The following PLCB4 variants were observed in gnomAD, a reference collection of about 807,000 sequenced individuals.
The protein encoded by PLCB4 is phospholipase C beta 4, also known as 1-phosphatidylinositol 4,5-bisphosphate phosphodiesterase beta-4.
A neutral mutation model predicts 178.8 loss-of-function variants in PLCB4; 77 were observed. The ratio of observed to expected loss-of-function variants is 0.43; its 90% CI spans 0.36 to 0.52. The LOEUF (loss-of-function observed/expected upper bound fraction) is 0.52, where lower values mean the gene tolerates loss of function less well. Ranked by LOEUF, PLCB4 falls within the 20% of genes least tolerant of loss-of-function variation. The pLI is 0.00. For synonymous variants in PLCB4, 496 were observed against 490.8 expected (o/e 1.01, Z -0.14); for missense variants, 1,024 against 1,453.4 (o/e 0.70, Z 4.80).
intron 19 of PLCB4, among the ~76,000 whole-genome samples, chr20:9,401,080 G>A (rs564359590): frequency 6.6e-6 from 1 of 152,282 alleles, no homozygotes; most frequent in East Asian, 1.9e-4. Context: ...ATTATCCGAT[G>A]TATTTGTTTT....
intron 2 of PLCB4, among the ~76,000 whole-genome samples, chr20:9,152,321 C>T (rs1254189033): frequency 6.6e-6 from 1 of 152,142 alleles, no homozygotes; most frequent in Non-Finnish European, 1.5e-5. Flanking sequence ...ACCTTCACAG[C>T]AGCCCTTCCC....
At chr20:9,350,941 G>T (rs1217362684) in intron 7 of PLCB4, among the ~76,000 whole-genome samples, 1 of 152,180 alleles carries the variant, frequency 6.6e-6, no homozygotes, top group East Asian at 1.9e-4. Context: ...ACTGTGTGAT[G>T]TTAATGTACT....
chr20:9,222,086 ATTTTATTTTAT>A (rs2093806876), intron 3 of PLCB4, among the ~76,000 whole-genome samples: 1 of 109,348 alleles, frequency 9.1e-6, no homozygotes, highest in Admixed American at 8.5e-5. Context: ...ATTTTATTTT[ATTTTATTTTAT>A]TTTATTTTAT....
At chr20:9,296,269 C>A (rs796933283) in intron 3 of PLCB4, among the ~76,000 whole-genome samples, 2 of 152,038 alleles carry the variant, frequency 1.3e-5, no homozygotes, top group Admixed American at 6.6e-5. Context: ...GCTCATCATC[C>A]CTGGCCATCA....
At chr20:9,454,563 G>C (rs1317105667) in intron 33 of PLCB4, among the ~76,000 whole-genome samples, 2 of 152,088 alleles carry the variant, frequency 1.3e-5, no homozygotes, top group African/African-American at 4.8e-5. Context: ...GGGTTTTTTG[G>C]CATTTGGTTT....
intron 12 of PLCB4, 61 bp from the exon 13 acceptor site, chr20:9,379,993 A>G: frequency 1.3e-6 from 1 of 778,924 alleles, no homozygotes; most frequent in Non-Finnish European, 2.2e-6. Flanking sequence ...TAAACTTAGT[A>G]ATGTCTAATG....
chr20:9,117,311 G>C (rs1040462439), intron 2 of PLCB4, among the ~76,000 whole-genome samples: 3 of 152,134 alleles, frequency 2.0e-5, no homozygotes, highest in Admixed American at 2.0e-4. Flanking sequence ...CTGTCAAAGG[G>C]TGTGAACATA....
At chr20:9,225,225 A>G (rs528226787) in intron 3 of PLCB4, among the ~76,000 whole-genome samples, 1 of 152,328 alleles carries the variant, frequency 6.6e-6, no homozygotes, top group South Asian at 2.1e-4. Context: ...AAATATACAT[A>G]ATATTAATTT....
intron 35 of PLCB4, among the ~76,000 whole-genome samples, chr20:9,463,577 C>G (rs2043548034): frequency 8.3e-6 from 1 of 119,790 alleles, no homozygotes; most frequent in African/African-American, 3.7e-5. Context: ...GGAAGATCTA[C>G]CAAGCAAATG....
At chr20:9,315,515 G>A (rs1170567859) in intron 4 of PLCB4, among the ~76,000 whole-genome samples, 2 of 152,172 alleles carry the variant, frequency 1.3e-5, no homozygotes, top group African/African-American at 4.8e-5. Context: ...TAAAAGGAGT[G>A]ATAGAGGGAT....
At position 9,407,709 on chromosome 20, in the gene PLCB4, A is replaced by C. The variant is rs372564443; in HGVS notation, c.1648-208A>C. On this transcript the variant is annotated intron_variant, in intron 21 of 39. Coordinates refer to ENST00000378473, the MANE Select transcript of PLCB4 (RefSeq NM_001377142.1). The stretch of plus-strand genomic sequence containing the variant: ...TGTCCTACAAATGTAAGATAAGCTT[A>C]ATATTTTATGATTACCTCCTTTTGC... Among the ~76,000 whole-genome samples, 296 of 152,352 alleles carry C rather than the reference A, an allele frequency of 1.9e-3. 2 individuals carry two copies. The highest frequency in any genetic ancestry group is 6.1e-3 in the African/African-American group (253 of 41,582).
At position 9,103,026 on chromosome 20, in the gene PLCB4, C is replaced by CTT. The variant is rs11484220; in HGVS notation, c.-79+6699_-79+6700dup. Among the ~76,000 whole-genome samples the CTT allele has an allele frequency of 1.4e-3, 193 of 139,198 alleles. 4 individuals carry two copies. The highest frequency in any genetic ancestry group is 3.8e-3 in the Middle Eastern group (1 of 262). 91.3% of individuals were successfully genotyped at this position (139,198 alleles called of 152,430 possible). A position where few individuals can be genotyped will look rare whatever the true frequency, so the allele number is the denominator to read the frequency against. On this transcript the variant is annotated intron_variant, in intron 2 of 39. Coordinates refer to ENST00000378473, the MANE Select transcript of PLCB4 (RefSeq NM_001377142.1). ...TCTTCATGTCTGCTCTGCCATTGTA[C>CTT]TTTTTTTTTTTTTTTTGAGACGGAG...
At chr20:9,190,272 C>A (rs190081736) in intron 2 of PLCB4, among the ~76,000 whole-genome samples, 1 of 152,124 alleles carries the variant, frequency 6.6e-6, no homozygotes, top group East Asian at 1.9e-4. Context: ...AATTGTAATC[C>A]CCACGTGTCA....
At chr20:9,447,290 T>C (rs75580159) in intron 32 of PLCB4, among the ~76,000 whole-genome samples, 2,823 of 152,326 alleles carry the variant, frequency 0.019, 39 homozygotes, top group Non-Finnish European at 0.027. Flanking sequence ...TTTAGCTGGA[T>C]GGTTCTTCTG....
At chr20:9,180,292 T>C (rs1483603783) in intron 2 of PLCB4, among the ~76,000 whole-genome samples, 1 of 152,226 alleles carries the variant, frequency 6.6e-6, no homozygotes, top group East Asian at 1.9e-4. Context: ...GGCTAGCTTA[T>C]ACTCTGACAA....
intron 28 of PLCB4, among the ~76,000 whole-genome samples, chr20:9,429,949 C>T (rs371409287): frequency 6.6e-6 from 1 of 152,148 alleles, no homozygotes; most frequent in African/African-American, 2.4e-5. Context: ...AATTAGACAT[C>T]CTAGAAAGGG....
chr20:9,079,678 A>G (rs1416395279), intron 1 of PLCB4, among the ~76,000 whole-genome samples: 2 of 152,218 alleles, frequency 1.3e-5, no homozygotes, highest in African/African-American at 2.4e-5. Flanking sequence ...AGTCCAGGGT[A>G]GAAAGCTTAT....
chr20:9,166,271 C>T (rs2092968721), intron 2 of PLCB4: 1 of 152,138 alleles, frequency 6.6e-6, no homozygotes, highest in Non-Finnish European at 1.5e-5. Flanking sequence ...CTATTATAAA[C>T]AAACACCCAA....
At chr20:9,449,301 C>T (rs2042604652) in intron 32 of PLCB4, among the ~76,000 whole-genome samples, 1 of 151,952 alleles carries the variant, frequency 6.6e-6, no homozygotes, top group Non-Finnish European at 1.5e-5. Flanking sequence ...AATGTAAAAC[C>T]CAAAGTTGGA....
Sources: gnomAD v4.1 joint callset for allele counts (sites outside exome capture counted in the v4.1 genomes callset) on GRCh38, gnomAD v4.1.1 for gene constraint, MANE v1.5 for transcripts, NCBI Gene and HGNC (gene_info 2026-07-23, HGNC 2026-07-21) for gene names.